Variants in IQUB observed in about 807,000 individuals in gnomAD.
IQUB encodes the protein IQ motif and ubiquitin domain containing.
In IQUB, 86 loss-of-function variants were observed where a neutral mutation model predicts 86.4. The ratio of observed to expected loss-of-function variants is 1.00; its 90% CI spans 0.84 to 1.19. IQUB has a LOEUF of 1.19. IQUB is among the 50% of genes most tolerant of loss of function. The probability of loss-of-function intolerance (pLI) is 0.00; values close to 1 mark genes in which losing one functional copy is unlikely to be tolerated. For missense variants in IQUB, 946 were observed against 916.9 expected (o/e 1.03, Z -0.41); for synonymous variants, 289 against 304.5 (o/e 0.95, Z 0.53).
chr7:123,466,581 GA>G (rs760821886), intron 9 of IQUB, among the ~76,000 whole-genome samples: 3 of 152,098 alleles, frequency 2.0e-5, no homozygotes, highest in Non-Finnish European at 4.4e-5. Flanking sequence ...TGTCTCCCTG[GA>G]AGAACCATTT....
At chr7:123,511,894 T>C (rs778417525) in intron 2 of IQUB, 50 bp downstream of exon 2, 3 of 1,379,470 alleles carry the variant, frequency 2.2e-6, no homozygotes, top group Non-Finnish European at 3.0e-6. Flanking sequence ...GAAAACGCAT[T>C]CATTCTTCAA....
intron 8 of IQUB, among the ~76,000 whole-genome samples, chr7:123,472,678 A>T (rs558712947): frequency 6.6e-6 from 1 of 152,360 alleles, no homozygotes; most frequent in Admixed American, 6.5e-5. Context: ...CACTGAAAAG[A>T]TATTAAAAAA....
chr7:123,500,874 C>A (rs890920768), intron 6 of IQUB, among the ~76,000 whole-genome samples: 1 of 151,278 alleles, frequency 6.6e-6, no homozygotes, highest in African/African-American at 2.4e-5. Context: ...TATTCTTTGT[C>A]CTTGTATATT....
chr7:123,514,133 C>T (rs1002941640), intron 1 of IQUB, among the ~76,000 whole-genome samples: 1 of 151,988 alleles, frequency 6.6e-6, no homozygotes, highest in African/African-American at 2.4e-5. Context: ...CCTGAAAGTA[C>T]AATGATAAAG....
chr7:123,492,133 T>A (rs1795500019), intron 7 of IQUB, among the ~76,000 whole-genome samples: 1 of 152,214 alleles, frequency 6.6e-6, no homozygotes, highest in African/African-American at 2.4e-5. Context: ...ACACTGAGTC[T>A]GCTGGTGCCC....
At chr7:123,506,818 A>G (rs527338451) in intron 3 of IQUB, among the ~76,000 whole-genome samples, 1 of 152,318 alleles carries the variant, frequency 6.6e-6, no homozygotes, top group African/African-American at 2.4e-5. Context: ...ACTCATATAA[A>G]TTAATTCATG....
chr7:123,503,235 C>T lies in IQUB; in HGVS notation c.661G>A (p.Val221Ile), dbSNP rs571069241. 2.5e-6 allele frequency: 4 copies of T among 1,612,218 alleles called. No homozygotes were observed. The South Asian group carries it at 4.4e-5, about 18-fold the overall frequency. The change falls in exon 4 of 13, where the codon GTC becomes ATC. Residue 221 changes from valine (V) to isoleucine (I), a missense_variant. Physicochemically the swap from Val to Ile is conservative, Grantham distance 29. Transcript: ENST00000324698. ...PVRRIDGLTDVSQIITVTVQT... is the reference protein window; with the variant it reads ...PVRRIDGLTDISQIITVTVQT... The stretch of plus-strand genomic sequence containing the variant: ...ACAGTGACAGTTATGATTTGAGAGA[C>T]ATCAGTTAATCCATCTATTCTTCTG...
At position 123,464,867 on chromosome 7, in the gene IQUB, G is replaced by A; in HGVS notation, c.1724C>T (p.Pro575Leu). 1 of 1,598,532 alleles carries A rather than the reference G, an allele frequency of 6.3e-7. No individual in the cohort carries two copies. The highest frequency in any genetic ancestry group is 8.5e-7 in the Non-Finnish European group (1 of 1,174,488). Reference protein sequence around the residue: ...ATLFFHYIKTPLFNPEVAKYL... With the variant: ...ATLFFHYIKTLLFNPEVAKYL... ...TTTTGCAACTTCAGGATTAAACAGA[G>A]GTGTTTTGATATAATGAAAAAAGAG... is the stretch of plus-strand genomic sequence containing the variant. Residue 575 changes from proline to leucine, a missense_variant, in exon 10 of 13, where the codon CCT becomes CTT. By Grantham distance (98) the Pro-to-Leu change is moderately conservative. Coordinates refer to ENST00000324698, the MANE Select transcript of IQUB (RefSeq NM_178827.5).
chr7:123,479,935 A>G lies in IQUB; in HGVS notation c.1270T>C (p.Ser424Pro). ...GCTTTCCTTTCAGCTCCAGTAAAAGATTGGTTAATACGTGTAAGTTCTTCT... is the reference window on the plus strand; with the variant it reads ...GCTTTCCTTTCAGCTCCAGTAAAAGGTTGGTTAATACGTGTAAGTTCTTCT... Reference protein sequence around the residue: ...RQEELTRINQSFTGAERKAAL... With the variant: ...RQEELTRINQPFTGAERKAAL... Residue 424 changes from serine (S) to proline (P), a missense_variant, in exon 8 of 13, where the codon TCT becomes CCT. Ser to Pro is a moderately conservative substitution (Grantham distance 74). Transcript: ENST00000324698. 8 of 1,612,732 alleles carry G rather than the reference A, an allele frequency of 5.0e-6. No individual in the cohort carries two copies. Among genetic ancestry groups the G allele is most frequent in the Non-Finnish European group, 6.8e-6 (8 of 1,179,348 alleles).
In IQUB at chr7:123,452,769, T is replaced by C. The variant is rs772314108; in HGVS notation, c.2350A>G (p.Ile784Val). The change falls in exon 13 of 13, where the codon ATA becomes GTA. Residue 784 changes from isoleucine (I) to valine (V), a missense_variant. Physicochemically the swap from Ile to Val is conservative, Grantham distance 29. Transcript: ENST00000324698. ...TAATGAGGAGGCCTCTGGGATTCTA[T>C]AATCTTAGGTGTTGTGTCTGAGTGA... Reference protein sequence around the residue: ...KYHSDTTPKIIESQRPPH With the variant: ...KYHSDTTPKIVESQRPPH 1 of 1,612,862 alleles carries C rather than the reference T, an allele frequency of 6.2e-7. No individual in the cohort carries two copies.
intron 1 of IQUB, among the ~76,000 whole-genome samples, chr7:123,520,476 T>C (rs1796851996): frequency 1.3e-5 from 2 of 152,064 alleles, no homozygotes; most frequent in Admixed American, 1.3e-4. Context: ...TAAGTATATG[T>C]GTGGGGAAGG....
At chr7:123,482,088 C>A (rs1234965145) in intron 7 of IQUB, among the ~76,000 whole-genome samples, 5 of 151,824 alleles carry the variant, frequency 3.3e-5, no homozygotes, top group Non-Finnish European at 5.9e-5. Context: ...GGGAGAACCT[C>A]AAAACTGAGG....
intron 3 of IQUB, among the ~76,000 whole-genome samples, chr7:123,508,599 G>A (rs548899534): frequency 6.6e-6 from 1 of 152,190 alleles, no homozygotes; most frequent in Non-Finnish European, 1.5e-5. Context: ...ACCTAAAGAC[G>A]AAAGGTCATG....
rs565130996 is a variant in IQUB, at chr7:123,490,821, G to A, written c.1234+5875C>T. Among the ~76,000 whole-genome samples, 17 of 152,028 alleles carry A rather than the reference G, an allele frequency of 1.1e-4. No individual in the cohort carries two copies. In the South Asian group the frequency reaches 1.2e-3, roughly 11 times the overall value. ...CTCTACTAAAAATACAAAATTAGCC[G>A]GGTGTGGTGGCAAGTGCCTGTAATC... On this transcript the variant is annotated intron_variant, in intron 7 of 12. Coordinates refer to ENST00000324698, the MANE Select transcript of IQUB (RefSeq NM_178827.5).
Position 123,452,706 on chromosome 7 carries a change from C to A in IQUB, c.*37G>T, listed in dbSNP as rs769349349. The A allele has an allele frequency of 8.7e-6, 13 of 1,497,012 alleles. No homozygotes were observed. The East Asian group carries it at 1.8e-4, about 21-fold the overall frequency. 92.7% of individuals were successfully genotyped at this position (1,497,012 alleles called of 1,614,324 possible). On this transcript the variant is annotated 3_prime_UTR_variant, in exon 13 of 13. Transcript: ENST00000324698. ...TCTGTATTACCCTATTAGCAGTGAA[C>A]AAAATGCCGATCATCAAACAAATAC...
chr7:123,532,843 G>A (rs1372150362), intron 1 of IQUB: 5 of 152,262 alleles, frequency 3.3e-5, no homozygotes, highest in Non-Finnish European at 5.9e-5. Context: ...CCCGGGCCGG[G>A]GGTCGGAAGC....
chr7:123,527,559 T>C (rs1218081300), intron 1 of IQUB, among the ~76,000 whole-genome samples: 3 of 152,128 alleles, frequency 2.0e-5, no homozygotes, highest in Non-Finnish European at 2.9e-5. Context: ...TGCAGGTCTG[T>C]TGGAGCACCC....
chr7:123,515,694 G>C (rs1282652280), intron 1 of IQUB, among the ~76,000 whole-genome samples: 1 of 152,144 alleles, frequency 6.6e-6, no homozygotes, highest in South Asian at 2.1e-4. Flanking sequence ...AAATCACAAT[G>C]AGATAGCACT....
At chr7:123,469,047 A>G (rs778285158) in intron 9 of IQUB, among the ~76,000 whole-genome samples, 167 bp downstream of exon 9, 25 of 152,214 alleles carry the variant, frequency 1.6e-4, no homozygotes, top group Non-Finnish European at 3.5e-4. Flanking sequence ...TTTATTATGT[A>G]TTATATTTTG....
Sources: gnomAD v4.1 joint callset for allele counts (sites outside exome capture counted in the v4.1 genomes callset) on GRCh38, gnomAD v4.1.1 for gene constraint, MANE v1.5 for transcripts, NCBI Gene and HGNC (gene_info 2026-07-23, HGNC 2026-07-21) for gene names.